The following LIPG variants were observed in gnomAD, a reference collection of about 807,000 sequenced individuals.
The protein encoded by LIPG is endothelial lipase.
A neutral mutation model predicts 51.8 loss-of-function variants in LIPG; 34 were observed. The ratio of observed to expected loss-of-function variants is 0.66; its 90% CI spans 0.50 to 0.87. The LOEUF (loss-of-function observed/expected upper bound fraction) is 0.87. Ranked by LOEUF, LIPG falls within the 40% of genes least tolerant of loss-of-function variation. The pLI is 0.00. For missense variants in LIPG, 580 were observed against 652.7 expected (o/e 0.89, Z 1.21); for synonymous variants, 246 against 246.1 (o/e 1.00, Z 0.00).
chr18:49,576,908 T>G lies in LIPG; in HGVS notation c.793+1318T>G, dbSNP rs4520930. Among the ~76,000 whole-genome samples the G allele has an allele frequency of 2.8e-3, 426 of 152,352 alleles. 21 individuals are homozygous for G. In the South Asian group the frequency reaches 0.075, roughly 27 times the overall value. ...ACTACAGACATGTGCCACTGCATCT[T>G]GCTGTTATGGATATTCTTAAATATC... On this transcript the variant is annotated intron_variant, in intron 5 of 9. Coordinates refer to ENST00000261292, the MANE Select transcript of LIPG (RefSeq NM_006033.4).
Position 49,590,485 on chromosome 18 carries a change from A to G in LIPG, c.1482-16A>G. Reference sequence around the variant, plus strand: ...GTGTGAGCTAACAAATGCCACTCTCACACGGTTTCTTTCAGTCCCACTGTG... The same window carrying G: ...GTGTGAGCTAACAAATGCCACTCTCGCACGGTTTCTTTCAGTCCCACTGTG... On this transcript the variant is annotated splice_polypyrimidine_tract_variant and intron_variant, in intron 9 of 9. Coordinates refer to ENST00000261292, the MANE Select transcript of LIPG (RefSeq NM_006033.4). The G allele has an allele frequency of 6.3e-7, 1 of 1,599,856 alleles. No individual in the cohort carries two copies.
At chr18:49,577,994 G>T (rs1156776761) in intron 5 of LIPG, among the ~76,000 whole-genome samples, 1 of 137,580 alleles carries the variant, frequency 7.3e-6, no homozygotes, top group Admixed American at 7.0e-5. Context: ...CCTCCCTCCC[G>T]GACGGCACGG....
intron 5 of LIPG, among the ~76,000 whole-genome samples, chr18:49,577,840 G>T (rs2084742099): frequency 8.3e-6 from 1 of 120,180 alleles, no homozygotes; most frequent in African/African-American, 3.6e-5. Flanking sequence ...GGCCGGGTGG[G>T]GGGGCTGACC....
rs1161807491 is a variant in LIPG at position 49,594,720 on chromosome 18, G to T, written c.*4198G>T. ...TGTGAAAACATTTCTAAATGACAAG[G>T]AAGCTCTTTATAAAGGGCTTTAGTG... On this transcript the variant is annotated 3_prime_UTR_variant, in exon 10 of 10. Transcript: ENST00000261292. The T allele has an allele frequency of 1.3e-5, 2 of 152,162 alleles. No individual in the cohort carries two copies. Among genetic ancestry groups the T allele is most frequent in the East Asian group, 3.8e-4 (2 of 5,200 alleles). 9.4% of individuals were successfully genotyped at this position (152,162 alleles called of 1,614,324 possible).
At chr18:49,568,738 G>A (rs183842609) in intron 3 of LIPG, among the ~76,000 whole-genome samples, 1 of 152,282 alleles carries the variant, frequency 6.6e-6, no homozygotes, top group African/African-American at 2.4e-5. Context: ...GCTGGGAGAA[G>A]GCAGGGCAGG....
At chr18:49,562,046 A>T, upstream of LIPG, 1 of 1,438,632 alleles carries the variant, frequency 7.0e-7, no homozygotes, top group Non-Finnish European at 9.1e-7. Context: ...CTACCTCTAT[A>T]GGAGCGTGAC....
intron 8 of LIPG, 73 bp downstream of exon 8, chr18:49,583,847 T>C: frequency 7.3e-7 from 1 of 1,370,264 alleles, no homozygotes; most frequent in Non-Finnish European, 1.0e-6. Context: ...ACATTTCCTT[T>C]CCTTTGCTGC....
In LIPG at chr18:49,586,912, G is replaced by C. The variant is rs2084886407; in HGVS notation, c.1481+62G>C. On this transcript the variant is annotated intron_variant, in intron 9 of 9. Transcript: ENST00000261292. ...CGTTGACATGATGATCTCCTAGCAT[G>C]TGCTGGGGATGGATCTGGGTGCCAG... 4 of 1,195,380 alleles carry C rather than the reference G, an allele frequency of 3.3e-6. No homozygotes were observed. The Admixed American group carries it at 6.9e-5, about 21-fold the overall frequency. The allele number at this position is 1,195,380 out of a possible 1,614,324, so 74.0% of individuals were successfully genotyped here. A position where few individuals can be genotyped will look rare whatever the true frequency, so the allele number is the denominator to read the frequency against.
At position 49,595,518 on chromosome 18, in the gene LIPG, G is replaced by A. The variant is rs2084977597; in HGVS notation, c.*4996G>A. On this transcript the variant is annotated 3_prime_UTR_variant, in exon 10 of 10. Coordinates refer to ENST00000261292, the MANE Select transcript of LIPG (RefSeq NM_006033.4). ...GTTTTGTAAACATTTGAATTGATAA[G>A]AGGACAGTGTGAGACAAAAATAAAA... The A allele has an allele frequency of 6.6e-6, 1 of 152,126 alleles. No individual in the cohort carries two copies. The highest frequency in any genetic ancestry group is 1.5e-5 in the Non-Finnish European group (1 of 68,022). 9.4% of individuals were successfully genotyped at this position (152,126 alleles called of 1,614,324 possible). A position where few individuals can be genotyped will look rare whatever the true frequency, so the allele number is the denominator to read the frequency against.
rs2084995271 is a variant in LIPG, at chr18:49,598,828, T to C, written c.*8306T>C. 6.6e-6 allele frequency: 1 copy of C among 152,256 alleles called. No homozygotes were observed. The highest frequency in any genetic ancestry group is 1.5e-5 in the Non-Finnish European group (1 of 68,052). 9.4% of individuals were successfully genotyped at this position (152,256 alleles called of 1,614,324 possible). ...GTCCTTGTAGATTAGTTGCATTTTC[T>C]AGAATTTTGTATAAGTGGAGTGTAT... On this transcript the variant is annotated 3_prime_UTR_variant, in exon 10 of 10. Coordinates refer to ENST00000261292, the MANE Select transcript of LIPG (RefSeq NM_006033.4).
intron 3 of LIPG, among the ~76,000 whole-genome samples, chr18:49,568,111 C>T (rs1481784190): frequency 2.6e-5 from 4 of 152,166 alleles, no homozygotes; most frequent in Non-Finnish European, 4.4e-5. Flanking sequence ...TTCACTGCAA[C>T]CTCCACCTCC....
intron 7 of LIPG, 34 bp downstream of exon 7, chr18:49,582,516 C>A: frequency 6.2e-7 from 1 of 1,613,946 alleles, no homozygotes; most frequent in Middle Eastern, 1.7e-4. Context: ...GGGTTCGGGA[C>A]AGAGAACAGG....
intron 5 of LIPG, among the ~76,000 whole-genome samples, chr18:49,576,457 CTTT>C (rs34597464): frequency 3.9e-5 from 2 of 51,526 alleles, no homozygotes; most frequent in African/African-American, 8.5e-5. Flanking sequence ...CAGAATCTTG[CTTT>C]TTTTTTTTTT....
At chr18:49,568,029 C>G (rs2084625549) in intron 3 of LIPG, among the ~76,000 whole-genome samples, 1 of 152,014 alleles carries the variant, frequency 6.6e-6, no homozygotes, top group African/African-American at 2.4e-5. Flanking sequence ...AAAAATGCAG[C>G]CTAATATCTC....
upstream of LIPG, chr18:49,561,663 T>G: frequency 8.1e-7 from 1 of 1,236,590 alleles, no homozygotes; most frequent in Non-Finnish European, 1.0e-6. Context: ...CCAGAGAGAG[T>G]GTGGCTTTGA....
Position 49,581,539 on chromosome 18 carries a change from G to A in LIPG, c.918G>A (p.Gly306=). 1.2e-6 allele frequency: 2 copies of A among 1,614,166 alleles called. No homozygotes were observed. Among genetic ancestry groups the A allele is most frequent in the South Asian group, 1.1e-5 (1 of 91,080 alleles). The part of the protein sequence containing the change: ...QCTDSNRFKK[G]ICLSCRKNRC... ...CTGACTCCAATCGCTTCAAAAAGGG[G>A]ATCTGTCTGAGCTGCCGCAAGAACC... The change falls in exon 6 of 10, where the codon GGG becomes GGA. Residue 306 remains glycine, a synonymous_variant. Transcript: ENST00000261292.
Position 49,591,744 on chromosome 18 carries a change from T to TTG in LIPG, c.*1226_*1227dup, listed in dbSNP as rs2084946686. 6.6e-6 allele frequency: 1 copy of TTG among 152,202 alleles called. No individual in the cohort carries two copies. The highest frequency in any genetic ancestry group is 2.1e-4 in the South Asian group (1 of 4,830). 9.4% of individuals were successfully genotyped at this position (152,202 alleles called of 1,614,324 possible). A position where few individuals can be genotyped will look rare whatever the true frequency, so the allele number is the denominator to read the frequency against. On this transcript the variant is annotated 3_prime_UTR_variant, in exon 10 of 10. Coordinates refer to ENST00000261292, the MANE Select transcript of LIPG (RefSeq NM_006033.4). The stretch of plus-strand genomic sequence containing the variant: ...GAGACACTTACACTTTTCAAAAGAT[T>TTG]TGTGTATGCATTGCCTAATTAGAGT...
intron 1 of LIPG, among the ~76,000 whole-genome samples, chr18:49,564,162 A>G (rs1364047940): frequency 6.6e-6 from 1 of 151,972 alleles, no homozygotes; most frequent in Admixed American, 6.6e-5. Context: ...CTCCACCACT[A>G]TATCTCTTTC....
At chr18:49,567,718 T>G in intron 3 of LIPG, 97 bp downstream of exon 3, 1 of 1,211,724 alleles carries the variant, frequency 8.3e-7, no homozygotes, top group Non-Finnish European at 1.2e-6. Context: ...CATGAACTTC[T>G]GGAGTCTGAT....
Sources: allele counts gnomAD v4.1 joint callset (sites outside exome capture counted in the v4.1 genomes callset), GRCh38; gene constraint gnomAD v4.1.1; transcripts MANE v1.5; gene names NCBI Gene and HGNC (gene_info 2026-07-23, HGNC 2026-07-21).